Variants in RTP2 observed in about 807,000 individuals in gnomAD.
RTP2 encodes the protein receptor-transporting protein 2.
In RTP2, 12 loss-of-function variants were observed where a neutral mutation model predicts 17.9. The ratio of observed to expected loss-of-function variants is 0.67; its 90% CI spans 0.43 to 1.09. The LOEUF (loss-of-function observed/expected upper bound fraction) is 1.09, where lower values mean the gene tolerates loss of function less well. Ranked by LOEUF, RTP2 falls within the 50% of genes least tolerant of loss-of-function variation. The probability of loss-of-function intolerance (pLI) is 0.00; values close to 1 mark genes in which losing one functional copy is unlikely to be tolerated. For synonymous variants in RTP2, 126 were observed against 117.7 expected (o/e 1.07, Z -0.46); for missense variants, 327 against 295.7 (o/e 1.11, Z -0.78).
At chr3:187,698,583 G>A (rs1398250727) in exon 2 of RTP2, 3 of 1,614,144 alleles carry the variant, frequency 1.9e-6, no homozygotes, top group African/African-American at 1.3e-5. Context: ...CCAGCGAAGA[G>A]ACAAGAAGTT....
chr3:187,700,342 G>A (rs1717813941), intron 1 of RTP2, among the ~76,000 whole-genome samples: 1 of 152,254 alleles, frequency 6.6e-6, no homozygotes, highest in Non-Finnish European at 1.5e-5. Flanking sequence ...CTGGGTGAGA[G>A]CTGCAGGGCA....
chr3:187,699,159 G>T, intron 1 of RTP2, 148 bp from the exon 2 acceptor site: 1 of 1,015,476 alleles, frequency 9.8e-7, no homozygotes, highest in Non-Finnish European at 1.4e-6. Flanking sequence ...AGCACTCCAA[G>T]GCCGGCCTGC....
At chr3:187,699,607 C>G (rs1105911) in intron 1 of RTP2, among the ~76,000 whole-genome samples, 74,600 of 151,668 alleles carry the variant, frequency 0.49, 22,063 homozygotes, top group East Asian at 0.75. Flanking sequence ...GGAGGAACTA[C>G]CAAGTTTAGT....
At chr3:187,698,833 C>G (rs1717762643) in exon 2 of RTP2, 1 of 1,612,876 alleles carries the variant, frequency 6.2e-7, no homozygotes, top group Non-Finnish European at 8.5e-7. Flanking sequence ...ACCAGGCCCT[C>G]GATGTTCTCC....
chr3:187,712,015 T>C, the RTP2 span, among the ~76,000 whole-genome samples: 1 of 152,180 alleles, frequency 6.6e-6, no homozygotes, highest in Admixed American at 6.5e-5. Context: ...GATAAAAGGG[T>C]AGCACAAATG....
chr3:187,707,468 TA>T (rs768327337), upstream of RTP2, among the ~76,000 whole-genome samples: 1 of 151,534 alleles, frequency 6.6e-6, no homozygotes, highest in Non-Finnish European at 1.5e-5. Context: ...GGCAGTTAAA[TA>T]AAAAAAATGT....
Position 187,698,706 on chromosome 3 carries a change from G to A in RTP2, c.470C>T (p.Ala157Val), listed in dbSNP as rs768899896. ...CCAGTGAACGATGCCCTCCTGGCAGGCCTCACAGAACTCTGCACGATGCGG... is the reference window on the plus strand; with the variant it reads ...CCAGTGAACGATGCCCTCCTGGCAGACCTCACAGAACTCTGCACGATGCGG... The change falls in exon 2 of 2, where the codon GCC becomes GTC. Residue 157 changes from alanine to valine, a missense_variant. Coordinates refer to ENST00000358241, the Ensembl canonical transcript of RTP2. The A allele has an allele frequency of 1.1e-5, 17 of 1,613,946 alleles. No individual in the cohort carries two copies. In the East Asian group the frequency reaches 1.6e-4, roughly 15 times the overall value.
At chr3:187,712,912 G>A in the RTP2 span, among the ~76,000 whole-genome samples, 1 of 152,318 alleles carries the variant, frequency 6.6e-6, no homozygotes, top group East Asian at 1.9e-4. Context: ...CTGAGGGACG[G>A]TAAGTTTCCT....
At chr3:187,700,330 T>C (rs1424949170) in intron 1 of RTP2, among the ~76,000 whole-genome samples, 1 of 152,222 alleles carries the variant, frequency 6.6e-6, no homozygotes, top group Admixed American at 6.5e-5. Flanking sequence ...CCGCCCCCAG[T>C]GCTGGGTGAG....
At chr3:187,702,533 T>C (rs1397007246) in exon 1 of RTP2, 2 of 459,588 alleles carry the variant, frequency 4.4e-6, no homozygotes, top group Admixed American at 4.7e-5. Flanking sequence ...CCACATCATG[T>C]GCTATGGTAA....
At chr3:187,714,881 C>A in the RTP2 span, among the ~76,000 whole-genome samples, 2 of 151,902 alleles carry the variant, frequency 1.3e-5, no homozygotes, top group Non-Finnish European at 2.9e-5. Context: ...GAATAGGGTG[C>A]ACCAGGTAGA....
At chr3:187,710,572 A>C in the RTP2 span, among the ~76,000 whole-genome samples, 1 of 148,684 alleles carries the variant, frequency 6.7e-6, no homozygotes. Flanking sequence ...TATATGATAT[A>C]CATATGTGTA....
upstream of RTP2, among the ~76,000 whole-genome samples, chr3:187,705,523 C>T (rs1717970589): frequency 6.6e-6 from 1 of 152,132 alleles, no homozygotes; most frequent in African/African-American, 2.4e-5. Context: ...ACACATTTAC[C>T]CAGTAGAACA....
the RTP2 span, among the ~76,000 whole-genome samples, chr3:187,710,376 C>CATATATATAT: frequency 3.0e-4 from 43 of 142,962 alleles, no homozygotes; most frequent in African/African-American, 6.2e-4. Context: ...CCTAAATATC[C>CATATATATAT]ATATATATAT....
At chr3:187,712,265 A>G in the RTP2 span, among the ~76,000 whole-genome samples, 1 of 152,202 alleles carries the variant, frequency 6.6e-6, no homozygotes, top group Admixed American at 6.5e-5. Flanking sequence ...GGAAACTTGC[A>G]GAAGGGTACA....
upstream of RTP2, among the ~76,000 whole-genome samples, chr3:187,707,541 CAT>C (rs1287760142): frequency 6.6e-6 from 1 of 152,114 alleles, no homozygotes; most frequent in East Asian, 1.9e-4. Context: ...AATGAAATGA[CAT>C]AGAATCATTC....
chr3:187,709,581 A>G, the RTP2 span, among the ~76,000 whole-genome samples: 1 of 152,186 alleles, frequency 6.6e-6, no homozygotes, highest in Non-Finnish European at 1.5e-5. Flanking sequence ...GCTACTCAGG[A>G]AGCTGAAGCA....
At position 187,698,308 on chromosome 3, in the gene RTP2, G is replaced by A; in HGVS notation, c.*190C>T. 3 of 586,648 alleles carry A rather than the reference G, an allele frequency of 5.1e-6. No individual in the cohort carries two copies. The South Asian group carries it at 7.4e-5, about 14-fold the overall frequency. The allele number at this position is 586,648 out of a possible 1,614,324, so 36.3% of individuals were successfully genotyped here. ...CCCTTTTCCCCTTCCCCCAATTATTGTCACATCCAGTGAAAGAATCATTGC... is the reference window on the plus strand; with the variant it reads ...CCCTTTTCCCCTTCCCCCAATTATTATCACATCCAGTGAAAGAATCATTGC... On this transcript the variant is annotated 3_prime_UTR_variant, in exon 2 of 2. Coordinates refer to ENST00000358241, the Ensembl canonical transcript of RTP2.
At chr3:187,702,396 G>C in exon 1 of RTP2, 4 of 548,686 alleles carry the variant, frequency 7.3e-6, no homozygotes, top group South Asian at 3.3e-5. Flanking sequence ...GCGCTGGGTA[G>C]GCCTGAGAGG....
Sources: allele counts gnomAD v4.1 joint callset (sites outside exome capture counted in the v4.1 genomes callset), GRCh38; gene constraint gnomAD v4.1.1; transcripts MANE v1.5; gene names NCBI Gene and HGNC (gene_info 2026-07-23, HGNC 2026-07-21).